Variants in UGCG observed in about 807,000 individuals in gnomAD.
UGCG encodes the protein ceramide glucosyltransferase.
A neutral mutation model predicts 49.5 loss-of-function variants in UGCG; 10 were observed. The observed-to-expected ratio is 0.20, with a 90% CI of 0.12 to 0.34. The LOEUF is 0.34. Ranked by LOEUF, UGCG falls within the 10% of genes least tolerant of loss-of-function variation. UGCG has a pLI of 1.00. For synonymous variants in UGCG, 182 were observed against 158.2 expected, an observed-to-expected ratio of 1.15 and a Z score of -1.13; for missense variants, 312 against 483.7, an observed-to-expected ratio of 0.65 and a Z score of 3.33.
chr9:111,919,199 G>A (rs927715220), intron 2 of UGCG, among the ~76,000 whole-genome samples: 1 of 152,040 alleles, frequency 6.6e-6, no homozygotes, highest in Non-Finnish European at 1.5e-5. Context: ...TCACAAAATA[G>A]CATTAAAAAA....
At chr9:111,911,880 T>C (rs1176873284) in intron 1 of UGCG, among the ~76,000 whole-genome samples, 1 of 108,356 alleles carries the variant, frequency 9.2e-6, no homozygotes, top group Non-Finnish European at 1.9e-5. Flanking sequence ...AGCAAGACCC[T>C]ATCTCATATG....
intron 1 of UGCG, among the ~76,000 whole-genome samples, chr9:111,907,261 G>C (rs555371803): frequency 3.3e-5 from 5 of 152,104 alleles, no homozygotes; most frequent in Non-Finnish European, 5.9e-5. Flanking sequence ...GCAGAGTCCC[G>C]TACAGACTCT....
intron 1 of UGCG, among the ~76,000 whole-genome samples, chr9:111,907,922 C>G (rs915207141): frequency 5.3e-5 from 8 of 152,228 alleles, no homozygotes; most frequent in African/African-American, 1.9e-4. Flanking sequence ...AGCCACCGCA[C>G]CCAGCCTACC....
chr9:111,908,981 C>T (rs1022899024), intron 1 of UGCG, among the ~76,000 whole-genome samples: 5 of 152,150 alleles, frequency 3.3e-5, no homozygotes, highest in Non-Finnish European at 5.9e-5. Flanking sequence ...TGCAGTGGTG[C>T]GATCTCGGCT....
In UGCG at chr9:111,929,634, G is replaced by A; in HGVS notation, c.693G>A (p.Gln231=). 1.9e-6 allele frequency: 3 copies of A among 1,613,936 alleles called. No homozygotes were observed. The highest frequency in any genetic ancestry group is 1.7e-6 in the Non-Finnish European group (2 of 1,179,964). ...CAGGAGGACTTATAGCTTTTGCTCA[G>A]TACATTGCCGAAGATTACTTTATGG... The part of the protein sequence containing the change: ...DQAGGLIAFA[Q]YIAEDYFMAK... The change falls in exon 6 of 9, where the codon CAG becomes CAA. Residue 231 remains glutamine (Q), a synonymous_variant. Coordinates refer to ENST00000374279, the MANE Select transcript of UGCG (RefSeq NM_003358.3).
rs1837667561 is a variant in UGCG, at chr9:111,896,816, T to A, written c.-400T>A. ...GGCGCGAGCCGCCGGTTTTGATTAG[T>A]GCGCGGAGCTGCGGCGGTGGAGCTG... On this transcript the variant is annotated 5_prime_UTR_variant, in exon 1 of 9. Coordinates refer to ENST00000374279, the MANE Select transcript of UGCG (RefSeq NM_003358.3). 6.6e-6 allele frequency: 1 copy of A among 151,266 alleles called. No homozygotes were observed. The highest frequency in any genetic ancestry group is 1.5e-5 in the Non-Finnish European group (1 of 67,980). 9.4% of individuals were successfully genotyped at this position (151,266 alleles called of 1,614,324 possible).
At chr9:111,928,917 T>C (rs1838372197) in intron 5 of UGCG, among the ~76,000 whole-genome samples, 1 of 151,976 alleles carries the variant, frequency 6.6e-6, no homozygotes, top group Admixed American at 6.6e-5. Flanking sequence ...AATTTTAGTA[T>C]CCCCGTTATG....
intron 1 of UGCG, among the ~76,000 whole-genome samples, chr9:111,913,660 G>A (rs567472888): frequency 3.4e-5 from 5 of 146,568 alleles, no homozygotes; most frequent in South Asian, 2.2e-4. Context: ...GGCTGGTCTC[G>A]AACTCCTGAC....
In UGCG at chr9:111,897,117, C is replaced by T. The variant is rs1013542157; in HGVS notation, c.-99C>T. On this transcript the variant is annotated 5_prime_UTR_variant, in exon 1 of 9. Coordinates refer to ENST00000374279, the MANE Select transcript of UGCG (RefSeq NM_003358.3). ...CCTCTCCCCACCTTCCTCTCGCCTCCCGCGCCCCCGCACCGGGCGCCCACC... is the reference window on the plus strand; with the variant it reads ...CCTCTCCCCACCTTCCTCTCGCCTCTCGCGCCCCCGCACCGGGCGCCCACC... 3 of 973,704 alleles carry T rather than the reference C, an allele frequency of 3.1e-6. No individual in the cohort carries two copies. The highest frequency in any genetic ancestry group is 1.7e-5 in the South Asian group (1 of 60,212). 60.3% of individuals were successfully genotyped at this position (973,704 alleles called of 1,614,324 possible). A position where few individuals can be genotyped will look rare whatever the true frequency, so the allele number is the denominator to read the frequency against.
intron 5 of UGCG, chr9:111,929,294 T>G: frequency 2.4e-6 from 1 of 419,316 alleles, no homozygotes; most frequent in African/African-American, 2.1e-5. Context: ...AAATTAAGTT[T>G]TATTTGGATG....
At chr9:111,904,734 C>T (rs1164163491) in intron 1 of UGCG, among the ~76,000 whole-genome samples, 4 of 152,038 alleles carry the variant, frequency 2.6e-5, no homozygotes, top group African/African-American at 7.3e-5. Context: ...TGGTGGTGCT[C>T]GCCTGTAATC....
intron 1 of UGCG, among the ~76,000 whole-genome samples, chr9:111,905,734 A>G (rs1272528917): frequency 2.6e-5 from 4 of 152,154 alleles, no homozygotes; most frequent in African/African-American, 7.2e-5. Context: ...GATTACAGGC[A>G]TGAGCCACTG....
chr9:111,916,340 T>G (rs1316832452), intron 2 of UGCG, among the ~76,000 whole-genome samples: 3 of 152,252 alleles, frequency 2.0e-5, no homozygotes, highest in Non-Finnish European at 4.4e-5. Flanking sequence ...CTCTTTCACT[T>G]TCCCCATTCA....
At position 111,933,073 on chromosome 9, in the gene UGCG, T is replaced by C. The variant is rs868742204; in HGVS notation, c.*76T>C. 12 of 1,260,846 alleles carry C rather than the reference T, an allele frequency of 9.5e-6. No homozygotes were observed. In the Middle Eastern group the frequency reaches 2.5e-3, roughly 258 times the overall value. The allele number at this position is 1,260,846 out of a possible 1,614,324, so 78.1% of individuals were successfully genotyped here. ...ATGTTTATATAAATGCTTTTAAAAA[T>C]CTACCTTCTGTAGTTTTATCACATG... On this transcript the variant is annotated 3_prime_UTR_variant, in exon 9 of 9. Coordinates refer to ENST00000374279, the MANE Select transcript of UGCG (RefSeq NM_003358.3).
At chr9:111,920,426 A>G (rs1400463443) in intron 2 of UGCG, among the ~76,000 whole-genome samples, 2 of 151,896 alleles carry the variant, frequency 1.3e-5, no homozygotes, top group African/African-American at 2.4e-5. Context: ...CAGTGGCGCA[A>G]TCTCGGCTCA....
At chr9:111,918,011 A>T (rs72757806) in intron 2 of UGCG, among the ~76,000 whole-genome samples, 19,528 of 150,888 alleles carry the variant, frequency 0.13, 1,724 homozygotes, top group East Asian at 0.33. Flanking sequence ...CATAACTATG[A>T]TTTTTTTTTC....
At position 111,933,049 on chromosome 9, in the gene UGCG, T is replaced by C. The variant is rs1409609013; in HGVS notation, c.*52T>C. On this transcript the variant is annotated 3_prime_UTR_variant, in exon 9 of 9. Coordinates refer to ENST00000374279, the MANE Select transcript of UGCG (RefSeq NM_003358.3). ...GAAAAAAGAGAAGTATTATAAATTA[T>C]GTTTATATAAATGCTTTTAAAAATC... 3.0e-6 allele frequency: 4 copies of C among 1,353,160 alleles called. No individual in the cohort carries two copies. The highest frequency in any genetic ancestry group is 2.9e-5 in the Admixed American group (1 of 34,796). The allele number at this position is 1,353,160 out of a possible 1,614,324, so 83.8% of individuals were successfully genotyped here.
chr9:111,911,972 A>G (rs1008458911), intron 1 of UGCG, among the ~76,000 whole-genome samples: 2 of 113,220 alleles, frequency 1.8e-5, no homozygotes, highest in Non-Finnish European at 3.7e-5. Flanking sequence ...CAGGATATAT[A>G]TATATTCAAC....
At chr9:111,904,554 G>C (rs576725785) in intron 1 of UGCG, among the ~76,000 whole-genome samples, 2 of 152,172 alleles carry the variant, frequency 1.3e-5, no homozygotes, top group South Asian at 4.1e-4. Flanking sequence ...AGAATTTCAA[G>C]TAGTCTTTAA....
Sources: gnomAD v4.1 joint callset for allele counts (sites outside exome capture counted in the v4.1 genomes callset) on GRCh38, gnomAD v4.1.1 for gene constraint, MANE v1.5 for transcripts, NCBI Gene and HGNC (gene_info 2026-07-23, HGNC 2026-07-21) for gene names.